Variants in KDM5B observed in about 807,000 individuals in gnomAD.
The protein encoded by KDM5B is lysine demethylase 5B, also known as lysine-specific demethylase 5B.
A neutral mutation model predicts 193.4 loss-of-function variants in KDM5B; 144 were observed. The observed-to-expected ratio is 0.74, with a 90% CI of 0.65 to 0.86. The LOEUF (loss-of-function observed/expected upper bound fraction) is 0.86, where lower values mean the gene tolerates loss of function less well. Among genes scored for constraint, KDM5B ranks in the 40% least tolerant of loss-of-function variants. The pLI is 0.00. For synonymous variants in KDM5B, 668 were observed against 682.6 expected, an observed-to-expected ratio of 0.98 and a Z score of 0.33; for missense variants, 1,833 against 1,886.9, an observed-to-expected ratio of 0.97 and a Z score of 0.53.
chr1:202,757,414 T>C (rs1052532570), intron 9 of KDM5B, among the ~76,000 whole-genome samples: 1 of 152,220 alleles, frequency 6.6e-6, no homozygotes, highest in African/African-American at 2.4e-5. Flanking sequence ...GTCAATCTGT[T>C]GTTAATCTGG....
intron 1 of KDM5B, among the ~76,000 whole-genome samples, chr1:202,784,932 G>A (rs1047036022): frequency 4.6e-5 from 7 of 151,360 alleles, no homozygotes; most frequent in Non-Finnish European, 7.4e-5. Flanking sequence ...TACTCAGGAG[G>A]TTGAGGCATG....
chr1:202,733,387 A>G lies in KDM5B; in HGVS notation c.3909+14T>C. 6.2e-7 allele frequency: 1 copy of G among 1,605,978 alleles called. No homozygotes were observed. Among genetic ancestry groups the G allele is most frequent in the South Asian group, 1.1e-5 (1 of 90,724 alleles). On this transcript the variant is annotated intron_variant, in intron 23 of 26. Coordinates refer to ENST00000367265, the MANE Select transcript of KDM5B (RefSeq NM_006618.5). ...GCAAATTCCAATAACCCAACAAGGAAAGTCCAGATTCACCTTGTTTGTGTC... is the reference window on the plus strand; with the variant it reads ...GCAAATTCCAATAACCCAACAAGGAGAGTCCAGATTCACCTTGTTTGTGTC...
chr1:202,799,718 ACACAGTCC>A (rs1558521544), intron 1 of KDM5B, among the ~76,000 whole-genome samples: 1 of 152,178 alleles, frequency 6.6e-6, no homozygotes, highest in Non-Finnish European at 1.5e-5. Flanking sequence ...ATATACATAC[ACACAGTCC>A]CCTTGATAAA....
At chr1:202,729,299 G>A in intron 26 of KDM5B, 126 bp from the exon 27 acceptor site, 2 of 1,001,460 alleles carry the variant, frequency 2.0e-6, no homozygotes, top group Non-Finnish European at 3.0e-6. Context: ...TGGGACCTCT[G>A]GCACAACAGC....
At position 202,748,963 on chromosome 1, in the gene KDM5B, T is replaced by C. The variant is rs757319975; in HGVS notation, c.1998A>G (p.Arg666=). Residue 666 remains arginine (R), a synonymous_variant, in exon 14 of 27, where the codon AGA becomes AGG. Coordinates refer to ENST00000367265, the MANE Select transcript of KDM5B (RefSeq NM_006618.5). ...GCCTTACCAATTTACGGACAGTTTCTCTTAAAGCTTTCTCATCCTCAATCA... is the reference window on the plus strand; with the variant it reads ...GCCTTACCAATTTACGGACAGTTTCCCTTAAAGCTTTCTCATCCTCAATCA... The part of the protein sequence containing the change: ...AIMIEDEKAL[R]ETVRKLGVID... 1 of 1,612,500 alleles carries C rather than the reference T, an allele frequency of 6.2e-7. No individual in the cohort carries two copies. The highest frequency in any genetic ancestry group is 8.5e-7 in the Non-Finnish European group (1 of 1,179,420).
At chr1:202,769,562 G>C (rs1273589897) in intron 4 of KDM5B, among the ~76,000 whole-genome samples, 1 of 149,464 alleles carries the variant, frequency 6.7e-6, no homozygotes, top group Non-Finnish European at 1.5e-5. Flanking sequence ...CCACCTACTC[G>C]GGACACTGAG....
At chr1:202,750,908 A>G in intron 12 of KDM5B, 130 bp from the exon 13 acceptor site, 1 of 830,954 alleles carries the variant, frequency 1.2e-6, no homozygotes, top group Non-Finnish European at 1.9e-6. Flanking sequence ...CAGAAAAAAC[A>G]AATTATTATA....
chr1:202,749,469 A>G (rs1572723281), intron 13 of KDM5B, among the ~76,000 whole-genome samples: 1 of 152,076 alleles, frequency 6.6e-6, no homozygotes, highest in South Asian at 2.1e-4. Flanking sequence ...ATGTGGAAGG[A>G]TTGCTTGAGC....
chr1:202,740,560 C>G, intron 20 of KDM5B, 114 bp downstream of exon 20: 1 of 960,636 alleles, frequency 1.0e-6, no homozygotes, highest in East Asian at 2.9e-5. Context: ...ACCTCCCGGA[C>G]GGGGCGGCTG....
At chr1:202,739,797 T>TCAC (rs910163694) in intron 20 of KDM5B, among the ~76,000 whole-genome samples, 1 of 152,180 alleles carries the variant, frequency 6.6e-6, no homozygotes, top group African/African-American at 2.4e-5. Context: ...GGGGGTAAGG[T>TCAC]CACCGATCAA....
chr1:202,764,939 T>C (rs1264676369), intron 5 of KDM5B, among the ~76,000 whole-genome samples: 1 of 152,208 alleles, frequency 6.6e-6, no homozygotes, highest in African/African-American at 2.4e-5. Context: ...ACCACACCAC[T>C]ATACTCCAGC....
intron 3 of KDM5B, among the ~76,000 whole-genome samples, chr1:202,774,199 C>T (rs1378344439): frequency 1.3e-5 from 2 of 152,190 alleles, no homozygotes; most frequent in African/African-American, 4.8e-5. Flanking sequence ...CCTCATCACT[C>T]AACTGACTTG....
intron 6 of KDM5B, 50 bp from the exon 7 acceptor site, chr1:202,762,858 C>CCTCAA (rs67462020): frequency 0.77 from 699,952 of 907,274 alleles, 275,168 homozygotes; most frequent in Non-Finnish European, 0.82. Flanking sequence ...TTCTCCACTT[C>CCTCAA]CTCATCATCT....
rs1292987553 is a variant in KDM5B, at chr1:202,753,135, T to A, written c.1539-68A>T. 8 of 1,368,850 alleles carry A rather than the reference T, an allele frequency of 5.8e-6. No homozygotes were observed. The African/African-American group carries it at 1.2e-4, about 20-fold the overall frequency. The allele number at this position is 1,368,850 out of a possible 1,614,324, so 84.8% of individuals were successfully genotyped here. On this transcript the variant is annotated intron_variant, in intron 11 of 26. Transcript: ENST00000367265. Reference sequence around the variant, plus strand: ...ACAAACAAAATGGGTTACCAGTTCATATTTTTCAGACTCGGCTTTGTAAGA... The same window carrying A: ...ACAAACAAAATGGGTTACCAGTTCAAATTTTTCAGACTCGGCTTTGTAAGA...
intron 1 of KDM5B, among the ~76,000 whole-genome samples, chr1:202,790,586 G>A (rs1417735026): frequency 6.6e-6 from 1 of 152,042 alleles, no homozygotes; most frequent in Non-Finnish European, 1.5e-5. Context: ...TGGGCGTGGT[G>A]GCACACGCCT....
intron 4 of KDM5B, chr1:202,767,490 C>CG (rs774167837): frequency 2.3e-6 from 2 of 865,058 alleles, no homozygotes; most frequent in East Asian, 2.4e-5. Flanking sequence ...CTCACCAAGA[C>CG]CTTTTTTTCA....
At chr1:202,753,868 C>G (rs2102259103) in intron 11 of KDM5B, among the ~76,000 whole-genome samples, 1 of 151,898 alleles carries the variant, frequency 6.6e-6, no homozygotes, top group African/African-American at 2.4e-5. Context: ...CGGGGTTTCA[C>G]CATGTTGCCA....
chr1:202,781,523 T>C (rs1657197756), intron 1 of KDM5B, among the ~76,000 whole-genome samples: 2 of 152,136 alleles, frequency 1.3e-5, no homozygotes, highest in African/African-American at 4.8e-5. Flanking sequence ...AATACCTCCA[T>C]CCCAAGTGAA....
In KDM5B at chr1:202,726,422, A is replaced by G. The variant is rs770336489; in HGVS notation, c.*2614T>C. On this transcript the variant is annotated 3_prime_UTR_variant, in exon 27 of 27. Coordinates refer to ENST00000367265, the MANE Select transcript of KDM5B (RefSeq NM_006618.5). ...TACATATAATCAAGCCCTTTATTCT[A>G]TATAAGAAATCCCCCAAAGTCTAAT... 6.6e-5 allele frequency: 10 copies of G among 152,194 alleles called. No individual in the cohort carries two copies. In the South Asian group the frequency reaches 8.3e-4, roughly 13 times the overall value. The allele number at this position is 152,194 out of a possible 1,614,324, so 9.4% of individuals were successfully genotyped here.
Sources: allele counts gnomAD v4.1 joint callset (sites outside exome capture counted in the v4.1 genomes callset), GRCh38; gene constraint gnomAD v4.1.1; transcripts MANE v1.5; gene names NCBI Gene and HGNC (gene_info 2026-07-23, HGNC 2026-07-21).